The following PAG1 variants were observed in gnomAD, a reference collection of about 807,000 sequenced individuals.
The protein encoded by PAG1 is phosphoprotein membrane anchor with glycosphingolipid microdomains 1, also known as phosphoprotein associated with glycosphingolipid-enriched microdomains 1.
In PAG1, 23 loss-of-function variants were observed where a neutral mutation model predicts 31.7. The observed-to-expected ratio is 0.73, with a 90% confidence interval of 0.52 to 1.03. The LOEUF (loss-of-function observed/expected upper bound fraction) is 1.03. PAG1 is among the 50% of genes least tolerant of loss of function. The pLI is 0.00. For missense variants in PAG1, 473 were observed against 540.7 expected (o/e 0.87, Z 1.24); for synonymous variants, 214 against 210.3 (o/e 1.02, Z -0.15).
intron 2 of PAG1, among the ~76,000 whole-genome samples, chr8:81,067,970 C>T (rs983250433): frequency 6.6e-6 from 1 of 152,208 alleles, no homozygotes; most frequent in Non-Finnish European, 1.5e-5. Flanking sequence ...AATCCTAGCT[C>T]ACTGAAACCT....
In PAG1 at chr8:80,972,792, T is replaced by C. The variant is rs890138003; in HGVS notation, c.*3752A>G. Reference sequence around the variant, plus strand: ...TTTTCCTGTAATTACCAAATGAAACTGATTGAAAAACTGTTCCTTCTAATT... The same window carrying C: ...TTTTCCTGTAATTACCAAATGAAACCGATTGAAAAACTGTTCCTTCTAATT... On this transcript the variant is annotated 3_prime_UTR_variant, in exon 9 of 9. Transcript: ENST00000220597. The C allele has an allele frequency of 6.6e-6, 1 of 152,160 alleles. No individual in the cohort carries two copies. The highest frequency in any genetic ancestry group is 1.5e-5 in the Non-Finnish European group (1 of 68,030). The allele number at this position is 152,160 out of a possible 1,614,324, so 9.4% of individuals were successfully genotyped here.
At chr8:81,007,097 G>C (rs993059629) in intron 3 of PAG1, among the ~76,000 whole-genome samples, 4 of 151,990 alleles carry the variant, frequency 2.6e-5, no homozygotes, top group African/African-American at 9.7e-5. Flanking sequence ...TTCTGGAAAG[G>C]GTATTTTAAA....
chr8:81,035,333 A>G (rs1322927620), intron 2 of PAG1, among the ~76,000 whole-genome samples: 1 of 152,182 alleles, frequency 6.6e-6, no homozygotes, highest in African/African-American at 2.4e-5. Context: ...GCCAAGGAGT[A>G]AGGATTATGG....
chr8:81,024,964 C>T (rs180735601), intron 3 of PAG1, among the ~76,000 whole-genome samples: 4 of 152,260 alleles, frequency 2.6e-5, no homozygotes, highest in East Asian at 1.9e-4. Flanking sequence ...ACAAAACAGT[C>T]ACCAGCTTAT....
intron 2 of PAG1, among the ~76,000 whole-genome samples, chr8:81,043,573 G>A (rs1414657175): frequency 1.3e-5 from 2 of 152,200 alleles, no homozygotes; most frequent in African/African-American, 2.4e-5. Flanking sequence ...AATGAATGGT[G>A]TGGTTATACT....
chr8:80,996,760 A>G (rs1436377817), intron 3 of PAG1, among the ~76,000 whole-genome samples: 1 of 152,156 alleles, frequency 6.6e-6, no homozygotes, highest in Non-Finnish European at 1.5e-5. Flanking sequence ...CTGCCCTTAA[A>G]TGCAGTGCTT....
rs1807109591 is a variant in PAG1, at chr8:80,972,963, GTGTA to G, written c.*3577_*3580del. The G allele has an allele frequency of 6.6e-6, 1 of 151,774 alleles. No individual in the cohort carries two copies. The highest frequency in any genetic ancestry group is 2.1e-4 in the South Asian group (1 of 4,804). 9.4% of individuals were successfully genotyped at this position (151,774 alleles called of 1,614,324 possible). On this transcript the variant is annotated 3_prime_UTR_variant, in exon 9 of 9. Transcript: ENST00000220597. ...TACGTGTGTGTGTGTGTGTGTGTGTGTGTAGTTTATTACTGGTTAAGTAAATGCT... is the reference window on the plus strand; with the variant it reads ...TACGTGTGTGTGTGTGTGTGTGTGTGGTTTATTACTGGTTAAGTAAATGCT...
intron 1 of PAG1, among the ~76,000 whole-genome samples, chr8:81,089,555 G>C (rs1287216578): frequency 6.8e-6 from 1 of 147,358 alleles, no homozygotes; most frequent in East Asian, 2.0e-4. Context: ...GCGACAGAGC[G>C]AGACTCCGTC....
chr8:81,003,110 T>C (rs1369592890), intron 3 of PAG1, among the ~76,000 whole-genome samples: 5 of 152,186 alleles, frequency 3.3e-5, no homozygotes, highest in African/African-American at 4.8e-5. Flanking sequence ...CCCAGACTTA[T>C]GACTCAGACA....
At chr8:81,044,678 G>A (rs1023162393) in intron 2 of PAG1, among the ~76,000 whole-genome samples, 2 of 152,124 alleles carry the variant, frequency 1.3e-5, no homozygotes, top group African/African-American at 2.4e-5. Context: ...ATCTCACATA[G>A]CCCCTTTCAC....
At chr8:80,977,059 T>C (rs998624345) in intron 8 of PAG1, among the ~76,000 whole-genome samples, 153 bp from the exon 9 acceptor site, 6 of 152,140 alleles carry the variant, frequency 3.9e-5, no homozygotes, top group African/African-American at 1.4e-4. Context: ...ATGGAGCACA[T>C]TACTAGAGAA....
At chr8:80,982,033 T>C (rs536829779) in intron 7 of PAG1, among the ~76,000 whole-genome samples, 1 of 151,986 alleles carries the variant, frequency 6.6e-6, no homozygotes, top group East Asian at 1.9e-4. Context: ...GCCCAGTTAA[T>C]TTTTGTATTT....
chr8:80,976,654 C>A lies in PAG1; in HGVS notation c.1189G>T (p.Glu397Ter), dbSNP rs760779547. 1.9e-6 allele frequency: 3 copies of A among 1,614,178 alleles called. No individual in the cohort carries two copies. Among genetic ancestry groups the A allele is most frequent in the South Asian group, 2.2e-5 (2 of 91,086 alleles). The change falls in exon 9 of 9, where the codon GAA becomes TAA. Residue 397 changes from glutamate (E) to a stop codon, truncating the protein, a stop_gained. Transcript: ENST00000220597. LOFTEE classifies it high-confidence loss of function. Reference protein sequence around the residue: ...YEAIQTLNREEEKATLGTNGH... With the variant: ...YEAIQTLNRE ...TTGGTCCCCAGGGTGGCCTTTTCTT[C>A]CTCTCTGTTGAGAGTCTGTATCGCT... is the stretch of plus-strand genomic sequence containing the variant.
At chr8:80,983,759 C>T (rs1023079985) in intron 7 of PAG1, among the ~76,000 whole-genome samples, 3 of 152,156 alleles carry the variant, frequency 2.0e-5, no homozygotes, top group South Asian at 2.1e-4. Flanking sequence ...ATGAACTTTA[C>T]ATCAGGTTTA....
chr8:81,096,098 C>T (rs1018797682), intron 1 of PAG1, among the ~76,000 whole-genome samples: 1 of 152,114 alleles, frequency 6.6e-6, no homozygotes, highest in Admixed American at 6.6e-5. Flanking sequence ...GTTATTAACA[C>T]CAAAATCACC....
At chr8:80,989,609 A>G (rs1807497199) in intron 5 of PAG1, among the ~76,000 whole-genome samples, 1 of 152,168 alleles carries the variant, frequency 6.6e-6, no homozygotes, top group Non-Finnish European at 1.5e-5. Flanking sequence ...TATATGGTGG[A>G]TGAGGAAGAA....
At chr8:80,996,703 G>A (rs1807680458) in intron 3 of PAG1, among the ~76,000 whole-genome samples, 1 of 152,178 alleles carries the variant, frequency 6.6e-6, no homozygotes, top group Non-Finnish European at 1.5e-5. Context: ...CTCATGCAGA[G>A]GGCCCAGTGC....
chr8:81,006,822 A>T (rs1807885495), intron 3 of PAG1, among the ~76,000 whole-genome samples: 1 of 152,238 alleles, frequency 6.6e-6, no homozygotes, highest in South Asian at 2.1e-4. Context: ...CTCACATTGT[A>T]TGCCACAGTA....
intron 1 of PAG1, among the ~76,000 whole-genome samples, chr8:81,098,182 C>T (rs1809556591): frequency 6.6e-6 from 1 of 152,198 alleles, no homozygotes; most frequent in Non-Finnish European, 1.5e-5. Flanking sequence ...TTTCTAAGTA[C>T]TACCAATGGA....
Sources: gnomAD v4.1 joint callset for allele counts (sites outside exome capture counted in the v4.1 genomes callset) on GRCh38, gnomAD v4.1.1 for gene constraint, MANE v1.5 for transcripts, NCBI Gene and HGNC (gene_info 2026-07-23, HGNC 2026-07-21) for gene names.